Variants in GSTZ1 observed in about 807,000 individuals in gnomAD.
GSTZ1 encodes maleylacetoacetate isomerase.
GSTZ1 carries 34 observed loss-of-function variants against 35.9 expected under a neutral mutation model. The observed-to-expected ratio is 0.95, with a 90% CI of 0.72 to 1.26. The LOEUF (loss-of-function observed/expected upper bound fraction) is 1.26, where lower values mean the gene tolerates loss of function less well. GSTZ1 is among the 50% of genes most tolerant of loss of function. The probability of loss-of-function intolerance (pLI) is 0.00; values close to 1 mark genes in which losing one functional copy is unlikely to be tolerated. For synonymous variants in GSTZ1, 93 were observed against 101.2 expected (o/e 0.92, Z 0.49); for missense variants, 263 against 271.7 (o/e 0.97, Z 0.23).
intron 1 of GSTZ1, chr14:77,322,804 C>T (rs377613524): frequency 1.5e-6 from 1 of 653,956 alleles, no homozygotes; most frequent in African/African-American, 2.0e-5. Flanking sequence ...CCACTTACAC[C>T]CTTGCCATCT....
intron 2 of GSTZ1, 197 bp from the exon 3 acceptor site, chr14:77,326,641 C>T (rs1411685314): frequency 9.0e-6 from 5 of 558,210 alleles, no homozygotes; most frequent in Non-Finnish European, 1.6e-5. Context: ...GGCAGAGCAT[C>T]GTGCATCTGG....
chr14:77,322,762 G>A (rs1203015635), intron 1 of GSTZ1: 7 of 970,832 alleles, frequency 7.2e-6, no homozygotes, highest in Non-Finnish European at 8.6e-6. Context: ...GGACTGCTGG[G>A]CTTGGGAACC....
intron 1 of GSTZ1, chr14:77,324,375 C>G (rs1317142937): frequency 1.0e-5 from 6 of 572,468 alleles, no homozygotes; most frequent in Admixed American, 2.9e-5. Context: ...TCAAACTCCT[C>G]ACCTCAAATG....
intron 1 of GSTZ1, 76 bp downstream of exon 1, chr14:77,321,259 C>T: frequency 6.6e-7 from 1 of 1,525,284 alleles, no homozygotes; most frequent in Non-Finnish European, 8.9e-7. Context: ...CAGAAGTGAG[C>T]TGCACCGCCC....
chr14:77,325,191 C>T (rs567611314), intron 2 of GSTZ1: 33 of 447,018 alleles, frequency 7.4e-5, no homozygotes, highest in African/African-American at 6.1e-4. Context: ...CCTTGGCAAC[C>T]ATGTTTAAAG....
At position 77,331,162 on chromosome 14, in the gene GSTZ1, G is replaced by C. The variant is rs765653659; in HGVS notation, c.618G>C (p.Arg206=). The change falls in exon 9 of 9, where the codon CGG becomes CGC. Residue 206 remains arginine, a synonymous_variant. Coordinates refer to ENST00000216465, the MANE Select transcript of GSTZ1 (RefSeq NM_145870.3). ...CCTTCCAGGTGTCTCACCCCTGCCG[G>C]CAGCCAGATACACCCACTGAGCTGA... ...LEAFQVSHPC[R]QPDTPTELRA 6.2e-7 allele frequency: 1 copy of C among 1,614,028 alleles called. No homozygotes were observed. The highest frequency in any genetic ancestry group is 1.1e-5 in the South Asian group (1 of 91,066).
At position 77,327,985 on chromosome 14, in the gene GSTZ1, C is replaced by G. The variant is rs1366924318; in HGVS notation, c.290C>G (p.Ala97Gly). 2 of 1,613,842 alleles carry G rather than the reference C, an allele frequency of 1.2e-6. No individual in the cohort carries two copies. Among genetic ancestry groups the G allele is most frequent in the African/African-American group, 2.7e-5 (2 of 74,920 alleles). Residue 97 changes from alanine (A) to glycine (G), a missense_variant, in exon 5 of 9, where the codon GCC becomes GGC. Coordinates refer to ENST00000216465, the MANE Select transcript of GSTZ1 (RefSeq NM_145870.3). Reference sequence around the variant, plus strand: ...CTGCCTCAGGACCCAAAGAAGAGGGCCAGCGTGCGTATGATTTCTGACCTC... The same window carrying G: ...CTGCCTCAGGACCCAAAGAAGAGGGGCAGCGTGCGTATGATTTCTGACCTC... ...RLLPQDPKKR[A>G]SVRMISDLIA...
intron 2 of GSTZ1, chr14:77,326,529 A>C (rs1237621606): frequency 3.5e-6 from 1 of 284,614 alleles, no homozygotes; most frequent in Non-Finnish European, 6.8e-6. Flanking sequence ...CCAGGAGCCC[A>C]CAGAGTGCCA....
chr14:77,321,333 G>C (rs1272885651), intron 1 of GSTZ1, 150 bp downstream of exon 1: 8 of 1,533,774 alleles, frequency 5.2e-6, no homozygotes, highest in African/African-American at 1.4e-5. Context: ...GCGCCTGCGT[G>C]CTGCGCGCTG....
chr14:77,323,182 G>C (rs1892116921), intron 1 of GSTZ1: 1 of 152,174 alleles, frequency 6.6e-6, no homozygotes, highest in Admixed American at 6.5e-5. Flanking sequence ...CCAGATATGG[G>C]CCATGGCAGA....
In GSTZ1 at chr14:77,329,190, G is replaced by C. The variant is rs780287277; in HGVS notation, c.410G>C (p.Cys137Ser). The change falls in exon 6 of 9, where the codon TGT becomes TCT. Residue 137 changes from cysteine to serine, a missense_variant. Cys to Ser is a moderately radical substitution (Grantham distance 112). Transcript: ENST00000216465. Reference protein sequence around the residue: ...QLTWAQNAITCGFNALEQILQ... With the variant: ...QLTWAQNAITSGFNALEQILQ... ...ACCTGGGCCCAGAACGCCATCACTT[G>C]TGGCTTTAACGGTGAGTCCTCACCT... 1 of 1,608,452 alleles carries C rather than the reference G, an allele frequency of 6.2e-7. No individual in the cohort carries two copies. The highest frequency in any genetic ancestry group is 8.5e-7 in the Non-Finnish European group (1 of 1,174,716).
intron 1 of GSTZ1, 175 bp from the exon 2 acceptor site, chr14:77,324,695 T>C (rs1892219050): frequency 1.3e-5 from 17 of 1,267,218 alleles, no homozygotes; most frequent in Non-Finnish European, 1.9e-5. Context: ...ACCAGCATAA[T>C]TTTGGAGCCA....
chr14:77,326,184 C>T (rs892842875), intron 2 of GSTZ1: 1 of 152,278 alleles, frequency 6.6e-6, no homozygotes, highest in African/African-American at 2.4e-5. Flanking sequence ...TTTTTACCCT[C>T]AGCTTGCCAG....
intron 5 of GSTZ1, chr14:77,328,870 T>TTG: frequency 1.8e-6 from 1 of 558,592 alleles, no homozygotes; most frequent in Non-Finnish European, 3.2e-6. Flanking sequence ...ATAGGGATTC[T>TTG]TGCACATCTC....
At chr14:77,325,067 A>G in intron 2 of GSTZ1, 146 bp downstream of exon 2, 5 of 697,218 alleles carry the variant, frequency 7.2e-6, no homozygotes, top group South Asian at 6.4e-5. Context: ...CGGCTCCTAG[A>G]ACCCCCATCC....
At chr14:77,321,255 T>G (rs1289820343) in intron 1 of GSTZ1, 72 bp downstream of exon 1, 1 of 1,528,318 alleles carries the variant, frequency 6.5e-7, no homozygotes, top group African/African-American at 1.4e-5. Flanking sequence ...GGGTCAGAAG[T>G]GAGCTGCACC....
chr14:77,331,403 G>C lies in GSTZ1; in HGVS notation c.*208G>C. ...GTAGGGAGATGCGGGGAGCAGGGTGGGCAGGAATACTGTTATCTATGTGAC... is the reference window on the plus strand; with the variant it reads ...GTAGGGAGATGCGGGGAGCAGGGTGCGCAGGAATACTGTTATCTATGTGAC... On this transcript the variant is annotated 3_prime_UTR_variant, in exon 9 of 9. Transcript: ENST00000216465. 1 of 563,466 alleles carries C rather than the reference G, an allele frequency of 1.8e-6. No homozygotes were observed. The highest frequency in any genetic ancestry group is 3.1e-6 in the Non-Finnish European group (1 of 321,584). 34.9% of individuals were successfully genotyped at this position (563,466 alleles called of 1,614,324 possible).
Position 77,321,108 on chromosome 14 carries a change from G to T in GSTZ1, c.-61G>T. On this transcript the variant is annotated 5_prime_UTR_variant, in exon 1 of 9. Coordinates refer to ENST00000216465, the MANE Select transcript of GSTZ1 (RefSeq NM_145870.3). The stretch of plus-strand genomic sequence containing the variant: ...CGTCGAGTCTCACTGAGCCTTAGTC[G>T]TCGGCAGGTCCCAGGCGCGAAGTTT... 7.0e-7 allele frequency: 1 copy of T among 1,432,196 alleles called. No homozygotes were observed. The highest frequency in any genetic ancestry group is 9.2e-7 in the Non-Finnish European group (1 of 1,084,208). 88.7% of individuals were successfully genotyped at this position (1,432,196 alleles called of 1,614,324 possible).
chr14:77,328,241 G>A (rs890444563), intron 5 of GSTZ1: 14 of 588,302 alleles, frequency 2.4e-5, no homozygotes, highest in East Asian at 8.9e-5. Flanking sequence ...GCTGCGTTCC[G>A]AGAAGCTCTA....
Sources: gnomAD v4.1 joint callset for allele counts on GRCh38, gnomAD v4.1.1 for gene constraint, MANE v1.5 for transcripts, NCBI Gene and HGNC (gene_info 2026-07-23, HGNC 2026-07-21) for gene names.